RBM28: variants seen among roughly 807,000 people sequenced by gnomAD.
RBM28 encodes RNA binding motif protein 28.
RBM28 carries 78 observed loss-of-function variants against 98.3 expected under a neutral mutation model. The observed-to-expected ratio is 0.79, with a 90% confidence interval of 0.66 to 0.96. RBM28 has a LOEUF of 0.96. RBM28 is among the 40% of genes least tolerant of loss of function. The pLI is 0.00. For missense variants in RBM28, 838 were observed against 913.0 expected, an observed-to-expected ratio of 0.92 and a Z score of 1.06; for synonymous variants, 306 against 330.9, an observed-to-expected ratio of 0.92 and a Z score of 0.82.
chr7:128,319,984 G>A (rs144816570), intron 14 of RBM28, among the ~76,000 whole-genome samples: 2,219 of 152,190 alleles, frequency 0.015, 51 homozygotes, highest in African/African-American at 0.051. Context: ...TTGGGAGGCC[G>A]AGGCAGGCGG....
In RBM28 at chr7:128,302,691, AC is replaced by A. The variant is rs938855859; in HGVS notation, c.*8105del. 3.3e-4 allele frequency: 50 copies of A among 152,348 alleles called. 1 individual carries two copies. The highest frequency in any genetic ancestry group is 1.1e-3 in the African/African-American group (46 of 41,578). The allele number at this position is 152,348 out of a possible 1,614,324, so 9.4% of individuals were successfully genotyped here. The stretch of plus-strand genomic sequence containing the variant: ...ATCAGGAGAGAGAAAGAAAGAAAAA[AC>A]AACTACAAAAATATGTAATGATTAG... On this transcript the variant is annotated 3_prime_UTR_variant, in exon 19 of 19. Transcript: ENST00000223073.
Position 128,337,198 on chromosome 7 carries a change from C to G in RBM28, c.546G>C (p.Arg182=). The stretch of plus-strand genomic sequence containing the variant: ...CCACGGCCCAATCCACAGCCACTGT[C>G]CGGCCTGTCAAGCAGAAAAGTGGCA... ...KGMNMKEIKG[R]TVAVDWAVAK... is the part of the protein sequence containing the mutation. The change falls in exon 6 of 19, where the codon CGG becomes CGC. Residue 182 remains arginine (R), a synonymous_variant. Transcript: ENST00000223073. 1 of 1,614,102 alleles carries G rather than the reference C, an allele frequency of 6.2e-7. No individual in the cohort carries two copies. The highest frequency in any genetic ancestry group is 8.5e-7 in the Non-Finnish European group (1 of 1,179,996).
chr7:128,320,143 G>A (rs1796191439), intron 14 of RBM28, among the ~76,000 whole-genome samples: 1 of 150,036 alleles, frequency 6.7e-6, no homozygotes, highest in Admixed American at 6.7e-5. Flanking sequence ...CTTGAACCCG[G>A]GAGGCGGAGG....
intron 8 of RBM28, 129 bp from the exon 9 acceptor site, chr7:128,333,491 G>GAGGTGAGGGGCGCCTCTGC: frequency 1.3e-6 from 1 of 743,898 alleles, no homozygotes; most frequent in Non-Finnish European, 2.3e-6. Context: ...GCCCAGGCGG[G>GAGGTGAGGGGCGCCTCTGC]CTGATCACCT....
At chr7:128,342,586 G>A (rs1796749641) in intron 1 of RBM28, among the ~76,000 whole-genome samples, 1 of 152,124 alleles carries the variant, frequency 6.6e-6, no homozygotes, top group Non-Finnish European at 1.5e-5. Flanking sequence ...GGAGGCTGAG[G>A]CAGGAGAATG....
intron 13 of RBM28, among the ~76,000 whole-genome samples, chr7:128,321,834 G>A (rs1314454979): frequency 6.6e-6 from 1 of 152,136 alleles, no homozygotes; most frequent in Non-Finnish European, 1.5e-5. Context: ...GATCACCCGA[G>A]GTCAGGAGTT....
chr7:128,323,467 CTA>C, intron 13 of RBM28, 58 bp downstream of exon 13: 1 of 1,586,072 alleles, frequency 6.3e-7, no homozygotes, highest in South Asian at 1.1e-5. Flanking sequence ...CATTCGATAA[CTA>C]TTTTTGATTG....
rs1479356985 is a variant in RBM28 at position 128,301,790 on chromosome 7, G to A, written c.*9007C>T. ...GCTATTAAGTGCCTGCTCTCTACTA[G>A]GGATTCCTAGGGGGTGGCCAAGAGA... is the stretch of plus-strand genomic sequence containing the variant. On this transcript the variant is annotated 3_prime_UTR_variant, in exon 19 of 19. Coordinates refer to ENST00000223073, the MANE Select transcript of RBM28 (RefSeq NM_018077.3). 6.6e-6 allele frequency: 1 copy of A among 152,118 alleles called. No homozygotes were observed. The highest frequency in any genetic ancestry group is 1.5e-5 in the Non-Finnish European group (1 of 67,982). The allele number at this position is 152,118 out of a possible 1,614,324, so 9.4% of individuals were successfully genotyped here. A position where few individuals can be genotyped will look rare whatever the true frequency, so the allele number is the denominator to read the frequency against.
In RBM28 at chr7:128,330,942, C is replaced by T. The variant is rs774533932; in HGVS notation, c.1020-14G>A. ...AAGGACAGATTTCTATGGAAGATAA[C>T]CAGATGATCACAAGAAAAGTCAATT... is the stretch of plus-strand genomic sequence containing the variant. On this transcript the variant is annotated splice_polypyrimidine_tract_variant and intron_variant, in intron 9 of 18. Transcript: ENST00000223073. The T allele has an allele frequency of 2.2e-5, 35 of 1,565,370 alleles. No homozygotes were observed. The South Asian group carries it at 2.7e-4, about 12-fold the overall frequency.
chr7:128,313,295 G>T (rs764995339), intron 17 of RBM28, 21 bp from the exon 18 acceptor site: 1 of 1,598,602 alleles, frequency 6.3e-7, no homozygotes, highest in South Asian at 1.1e-5. Context: ...ATGGCTGAGT[G>T]TCACCTTGAG....
In RBM28 at chr7:128,343,851, G is replaced by A; in HGVS notation, c.-58C>T. 1.6e-6 allele frequency: 2 copies of A among 1,282,202 alleles called. No homozygotes were observed. The highest frequency in any genetic ancestry group is 2.2e-6 in the Non-Finnish European group (2 of 928,704). The allele number at this position is 1,282,202 out of a possible 1,614,324, so 79.4% of individuals were successfully genotyped here. On this transcript the variant is annotated 5_prime_UTR_variant, in exon 1 of 19. Transcript: ENST00000223073. The stretch of plus-strand genomic sequence containing the variant: ...GAGCAAACTAGGCCGGCGCACGCGA[G>A]CCGAAACGCTGGCTTTGGTAGGACA...
In RBM28 at chr7:128,324,657, A is replaced by C. The variant is rs1157819587; in HGVS notation, c.1241T>G (p.Val414Gly). 6.8e-6 allele frequency: 11 copies of C among 1,614,160 alleles called. No homozygotes were observed. The highest frequency in any genetic ancestry group is 1.7e-5 in the Admixed American group (1 of 60,012). Reference sequence around the variant, plus strand: ...CTCATCACGGGTCACCGCCAAGTCAACCTTGAGCTGCCGGCCATCCAGTTT... The same window carrying C: ...CTCATCACGGGTCACCGCCAAGTCACCCTTGAGCTGCCGGCCATCCAGTTT... The part of the protein sequence containing the change: ...GLKLDGRQLK[V>G]DLAVTRDEAA... The change falls in exon 12 of 19, where the codon GTT becomes GGT. Residue 414 changes from valine to glycine, a missense_variant. Coordinates refer to ENST00000223073, the MANE Select transcript of RBM28 (RefSeq NM_018077.3).
At chr7:128,339,147 G>C in intron 3 of RBM28, 80 bp downstream of exon 3, 2 of 1,225,164 alleles carry the variant, frequency 1.6e-6, no homozygotes, top group East Asian at 2.3e-5. Flanking sequence ...ATACCATCTT[G>C]GTGAGGAGTT....
chr7:128,317,614 G>A lies in RBM28; in HGVS notation c.1788+45C>T, dbSNP rs779659641. ...GCAGAAGCACAAATTGAACAAAATA[G>A]AAGAGTTTATGTCCTTAAAAATATG... On this transcript the variant is annotated intron_variant, in intron 16 of 18. Coordinates refer to ENST00000223073, the MANE Select transcript of RBM28 (RefSeq NM_018077.3). 4.3e-6 allele frequency: 6 copies of A among 1,403,038 alleles called. No individual in the cohort carries two copies. In the South Asian group the frequency reaches 6.9e-5, roughly 16 times the overall value. 86.9% of individuals were successfully genotyped at this position (1,403,038 alleles called of 1,614,324 possible). A position where few individuals can be genotyped will look rare whatever the true frequency, so the allele number is the denominator to read the frequency against.
chr7:128,323,843 A>G (rs1340351422), intron 12 of RBM28, among the ~76,000 whole-genome samples: 4 of 152,222 alleles, frequency 2.6e-5, no homozygotes, highest in African/African-American at 9.6e-5. Context: ...CCCTCAAAGA[A>G]TCTTCACGTA....
Position 128,339,337 on chromosome 7 carries a change from T to G in RBM28, c.278-16A>C, listed in dbSNP as rs1796671717. On this transcript the variant is annotated splice_polypyrimidine_tract_variant and intron_variant, in intron 2 of 18. Transcript: ENST00000223073. ...TCTGAGTTTTCTAAAAAATAAGAGG[T>G]AATGGAATAAGTACTCGAAAATCAC... 2 of 1,576,372 alleles carry G rather than the reference T, an allele frequency of 1.3e-6. No individual in the cohort carries two copies. Among genetic ancestry groups the G allele is most frequent in the African/African-American group, 2.7e-5 (2 of 73,778 alleles).
chr7:128,322,786 C>A (rs1190474373), intron 13 of RBM28, among the ~76,000 whole-genome samples: 1 of 152,080 alleles, frequency 6.6e-6, no homozygotes, highest in African/African-American at 2.4e-5. Context: ...GTGTTCACTA[C>A]CACAAAAGTT....
In RBM28 at chr7:128,297,686, C is replaced by G. The variant is rs1795723324; in HGVS notation, c.*13111G>C. The G allele has an allele frequency of 1.3e-5, 2 of 151,612 alleles. No individual in the cohort carries two copies. The highest frequency in any genetic ancestry group is 4.9e-5 in the African/African-American group (2 of 41,130). The allele number at this position is 151,612 out of a possible 1,614,324, so 9.4% of individuals were successfully genotyped here. On this transcript the variant is annotated 3_prime_UTR_variant, in exon 19 of 19. Coordinates refer to ENST00000223073, the MANE Select transcript of RBM28 (RefSeq NM_018077.3). ...ACTATAAATCATGCTGCTATAAAGA[C>G]ACACACACACGTATGTTTATTGCGG... is the stretch of plus-strand genomic sequence containing the variant.
At chr7:128,323,483 T>A in intron 13 of RBM28, 44 bp downstream of exon 13, 1 of 1,607,708 alleles carries the variant, frequency 6.2e-7, no homozygotes, top group Middle Eastern at 1.7e-4. Context: ...TTGATTGATT[T>A]ATAGGCCACG....
Sources: gnomAD v4.1 joint callset for allele counts (sites outside exome capture counted in the v4.1 genomes callset) on GRCh38, gnomAD v4.1.1 for gene constraint, MANE v1.5 for transcripts, NCBI Gene and HGNC (gene_info 2026-07-23, HGNC 2026-07-21) for gene names.